Variants in TTYH3 observed in about 807,000 individuals in gnomAD.
The protein encoded by TTYH3 is tweety family member 3.
In TTYH3, 23 loss-of-function variants were observed where a neutral mutation model predicts 68.2. That is an observed-to-expected ratio of 0.34 (90% CI 0.24 to 0.48). The LOEUF (loss-of-function observed/expected upper bound fraction) is 0.48, where lower values mean the gene tolerates loss of function less well. Ranked by LOEUF, TTYH3 falls within the 20% of genes least tolerant of loss-of-function variation. The pLI is 0.99. For missense variants in TTYH3, 768 were observed against 727.7 expected (o/e 1.06, Z -0.64); for synonymous variants, 360 against 332.8 (o/e 1.08, Z -0.89).
chr7:2,632,245 C>T lies in TTYH3; in HGVS notation c.90C>T (p.Ser30=). Residue 30 remains serine (S), a synonymous_variant, in exon 1 of 14, where the codon AGC becomes AGT. Transcript: ENST00000258796. ...ACCTGAGCTGGGAGGCCACTAGCAG[C>T]CAGTTCCGGCCCGAGGACACCGACT... The part of the protein sequence containing the change: ...HFDLSWEATS[S]QFRPEDTDYQ... 1 of 1,587,696 alleles carries T rather than the reference C, an allele frequency of 6.3e-7. No homozygotes were observed. Among genetic ancestry groups the T allele is most frequent in the Non-Finnish European group, 8.6e-7 (1 of 1,165,758 alleles).
At position 2,647,984 on chromosome 7, in the gene TTYH3, C is replaced by G; in HGVS notation, c.652C>G (p.Leu218Val). ...GTGGCTGGGCTACCTGGGCCTGCTG[C>G]TGCTGGACGTCATCATCTGCCTCCT... ...YRWLGYLGLL[L>V]LDVIICLLVL... is the part of the protein sequence containing the mutation. Residue 218 changes from leucine (L) to valine (V), a missense_variant, in exon 5 of 14, where the codon CTG becomes GTG. Transcript: ENST00000258796. The G allele has an allele frequency of 6.2e-7, 1 of 1,610,236 alleles. No homozygotes were observed. Among genetic ancestry groups the G allele is most frequent in the Non-Finnish European group, 8.5e-7 (1 of 1,179,890 alleles).
intron 1 of TTYH3, among the ~76,000 whole-genome samples, chr7:2,640,953 G>A (rs1016666537): frequency 3.3e-5 from 5 of 152,242 alleles, no homozygotes; most frequent in Non-Finnish European, 5.9e-5. Flanking sequence ...CTGCAGCACC[G>A]GGTTTGGGCC....
chr7:2,644,587 G>A (rs763385566), intron 1 of TTYH3, among the ~76,000 whole-genome samples: 9 of 152,230 alleles, frequency 5.9e-5, no homozygotes, highest in South Asian at 2.1e-4. Flanking sequence ...CCTGGAGGGT[G>A]GGGGTGCAGG....
At chr7:2,656,989 G>C (rs1786353493) in intron 11 of TTYH3, among the ~76,000 whole-genome samples, 1 of 152,240 alleles carries the variant, frequency 6.6e-6, no homozygotes, top group African/African-American at 2.4e-5. Context: ...AGGTAGCTGT[G>C]GCCTCCAGCT....
chr7:2,639,544 C>A lies in TTYH3; in HGVS notation c.123+7266C>A, dbSNP rs1488142938. On this transcript the variant is annotated intron_variant, in intron 1 of 13. Transcript: ENST00000258796. ...CCGAGCTGTCTGTCCAAGCCTGGGCCCCAGCACCCAGCGCAAGCTGCTGCT... is the reference window on the plus strand; with the variant it reads ...CCGAGCTGTCTGTCCAAGCCTGGGCACCAGCACCCAGCGCAAGCTGCTGCT... Among the ~76,000 whole-genome samples, 16 of 152,346 alleles carry A rather than the reference C, an allele frequency of 1.1e-4. No homozygotes were observed. The East Asian group carries it at 2.3e-3, about 22-fold the overall frequency.
At chr7:2,639,383 C>T (rs1409406054) in intron 1 of TTYH3, among the ~76,000 whole-genome samples, 1 of 152,212 alleles carries the variant, frequency 6.6e-6, no homozygotes, top group African/African-American at 2.4e-5. Context: ...GTGCCCTCCC[C>T]CACCTGTTGC....
rs1444032362 is a variant in TTYH3 at position 2,645,962 on chromosome 7, T to A, written c.124-891T>A. The A allele has an allele frequency of 5.1e-6, 2 of 389,320 alleles. No individual in the cohort carries two copies. The highest frequency in any genetic ancestry group is 4.3e-5 in the African/African-American group (2 of 46,888). 24.1% of individuals were successfully genotyped at this position (389,320 alleles called of 1,614,324 possible). On this transcript the variant is annotated intron_variant, in intron 1 of 13. Transcript: ENST00000258796. This position sits in a 1 kb window ranked among gnomAD's most constrained non-coding sequence, Gnocchi z 4.8. ...TGTCTCGGGCTGGGGGTGAGGACAG[T>A]AGCTGATGCCGGCAGCCCCCTCCCC...
At chr7:2,659,071 G>A in intron 13 of TTYH3, 56 bp downstream of exon 13, 1 of 1,538,912 alleles carries the variant, frequency 6.5e-7, no homozygotes, top group Non-Finnish European at 9.0e-7. Flanking sequence ...GGGGTCCGCT[G>A]TTCCACTGCG....
At chr7:2,634,254 G>A (rs951504353) in intron 1 of TTYH3, among the ~76,000 whole-genome samples, 4 of 152,172 alleles carry the variant, frequency 2.6e-5, no homozygotes, top group African/African-American at 7.2e-5. Context: ...GGTGCTTTTC[G>A]GCAACTGCTT....
intron 9 of TTYH3, among the ~76,000 whole-genome samples, chr7:2,655,437 C>T (rs1254864258): frequency 6.6e-6 from 1 of 152,258 alleles, no homozygotes; most frequent in Non-Finnish European, 1.5e-5. Flanking sequence ...TGAGCCACCG[C>T]TCCCGGCCCC....
At chr7:2,655,879 A>T (rs1378391682) in intron 9 of TTYH3, among the ~76,000 whole-genome samples, 1 of 151,986 alleles carries the variant, frequency 6.6e-6, no homozygotes, top group Non-Finnish European at 1.5e-5. Context: ...TCCTTGGTAG[A>T]CCCCACGGGT....
At chr7:2,657,057 G>A (rs1786354813) in intron 11 of TTYH3, among the ~76,000 whole-genome samples, 4 of 152,246 alleles carry the variant, frequency 2.6e-5, no homozygotes, top group Admixed American at 2.6e-4. Flanking sequence ...CCTTTGAAGT[G>A]GGGGTCCTGG....
At chr7:2,637,236 T>G (rs966683291) in intron 1 of TTYH3, among the ~76,000 whole-genome samples, 1 of 152,114 alleles carries the variant, frequency 6.6e-6, no homozygotes, top group East Asian at 1.9e-4. Context: ...TCTAAGGGAT[T>G]TGCAGTGTCA....
At position 2,646,794 on chromosome 7, in the gene TTYH3, G is replaced by T; in HGVS notation, c.124-59G>T. The T allele has an allele frequency of 9.2e-6, 14 of 1,522,576 alleles. No homozygotes were observed. The South Asian group carries it at 1.7e-4, about 18-fold the overall frequency. The allele number at this position is 1,522,576 out of a possible 1,614,324, so 94.3% of individuals were successfully genotyped here. ...TGCGCCAGGTCCCCTGCTGGGGCGGGGCGTGGGACTCTGAGCTGGGGGTCC... is the reference window on the plus strand; with the variant it reads ...TGCGCCAGGTCCCCTGCTGGGGCGGTGCGTGGGACTCTGAGCTGGGGGTCC... On this transcript the variant is annotated intron_variant, in intron 1 of 13. Transcript: ENST00000258796.
intron 1 of TTYH3, among the ~76,000 whole-genome samples, chr7:2,632,719 C>A (rs933752400): frequency 6.6e-6 from 1 of 152,244 alleles, no homozygotes; most frequent in African/African-American, 2.4e-5. Context: ...GCTCTGAGAT[C>A]AGAGCGGGTG....
rs758366975 is a variant in TTYH3, at chr7:2,648,071, C to T, written c.722+17C>T. 1.4e-5 allele frequency: 23 copies of T among 1,602,004 alleles called. No homozygotes were observed. The highest frequency in any genetic ancestry group is 4.5e-5 in the East Asian group (2 of 44,814). ...CCTGGTGGGGTGAGTCTGGGGGTGT[C>T]GGCCCCCCGTGGGCCCAAAGCGGAG... On this transcript the variant is annotated intron_variant, in intron 5 of 13. Transcript: ENST00000258796.
chr7:2,634,330 C>A (rs1021191732), intron 1 of TTYH3, among the ~76,000 whole-genome samples: 6 of 151,952 alleles, frequency 3.9e-5, no homozygotes, highest in African/African-American at 9.7e-5. Context: ...TGTAGGGTCA[C>A]CCCTGGGAGG....
Position 2,644,766 on chromosome 7 carries a change from C to T in TTYH3, c.124-2087C>T, listed in dbSNP as rs551395966. Among the ~76,000 whole-genome samples, 124 of 152,316 alleles carry T rather than the reference C, an allele frequency of 8.1e-4. 2 individuals are homozygous for T. The East Asian group carries it at 9.8e-3, about 12-fold the overall frequency. On this transcript the variant is annotated intron_variant, in intron 1 of 13. Transcript: ENST00000258796. ...CATGGCGGCTCATTTCTGGGTGTGC[C>T]GGGCTGGTCAGCACCTCCCTGGCTG...
intron 9 of TTYH3, among the ~76,000 whole-genome samples, chr7:2,653,426 G>A (rs571919591): frequency 5.3e-5 from 8 of 152,316 alleles, no homozygotes; most frequent in South Asian, 2.1e-4. Context: ...GAAGAAAATG[G>A]AAAGAGATGA....
Sources: allele counts gnomAD v4.1 joint callset (sites outside exome capture counted in the v4.1 genomes callset), GRCh38; gene constraint gnomAD v4.1.1; non-coding constraint Gnocchi (gnomAD v3.1); transcripts MANE v1.5; gene names NCBI Gene and HGNC (gene_info 2026-07-23, HGNC 2026-07-21).